KRT79: variants seen among roughly 807,000 people sequenced by gnomAD.
The protein encoded by KRT79 is keratin, type II cytoskeletal 79.
KRT79 carries 51 observed loss-of-function variants against 49.0 expected under a neutral mutation model. The observed-to-expected ratio is 1.04, with a 90% CI of 0.83 to 1.31. The LOEUF is 1.31. Ranked by LOEUF, KRT79 falls within the 40% of genes most tolerant of loss-of-function variation. The pLI is 0.00. For synonymous variants in KRT79, 312 were observed against 286.6 expected, an observed-to-expected ratio of 1.09 and a Z score of -0.90; for missense variants, 728 against 688.0, an observed-to-expected ratio of 1.06 and a Z score of -0.65.
chr12:52,831,506 C>T lies in KRT79; in HGVS notation c.598G>A (p.Gly200Ser), dbSNP rs768648530. Residue 200 changes from glycine to serine, a missense_variant, in exon 2 of 9, where the codon GGT (glycine) becomes AGT (serine). Gly to Ser is a moderately conservative substitution (Grantham distance 56). Coordinates refer to ENST00000330553, the MANE Select transcript of KRT79 (RefSeq NM_175834.3). ...NLEPLFEAYL[G>S]SMRSTLDRLQ... ...CTGTCCAGCGTGCTCCGCATGCTAC[C>T]CAGGTAGGCCTCAAAGAGGGGCTCC... The T allele has an allele frequency of 3.7e-6, 6 of 1,614,250 alleles. No homozygotes were observed. In the East Asian group the frequency reaches 8.9e-5, roughly 24 times the overall value.
chr12:52,821,987 T>A lies in KRT79; in HGVS notation c.1493A>T (p.Lys498Met), dbSNP rs774280643. The A allele has an allele frequency of 1.2e-6, 2 of 1,614,156 alleles. 1 individual carries two copies. Among genetic ancestry groups the A allele is most frequent in the South Asian group, 2.2e-5 (2 of 91,090 alleles). The change falls in exon 9 of 9, where the codon AAG becomes ATG. Residue 498 changes from lysine (K) to methionine (M), a missense_variant. By Grantham distance (95) the Lys-to-Met change is moderately conservative (BLOSUM62 -1). Coordinates refer to ENST00000330553, the MANE Select transcript of KRT79 (RefSeq NM_175834.3). ...GCCCACATTTGTGCTGAATCCACCC[T>A]TGGTGGCCCCCCCACTCCCACCCAG... Reference protein sequence around the residue: ...ISLGGSGGATKGGFSTNVGYS... With the variant: ...ISLGGSGGATMGGFSTNVGYS...
Position 52,823,001 on chromosome 12 carries a change from AGGAGG to A in KRT79, c.1367+10_1367+14del, listed in dbSNP as rs1565689327. The stretch of plus-strand genomic sequence containing the variant: ...CCCGACCCAGCTTTCTGGGTCGGGC[AGGAGG>A]GGCCACCACCTGCTCTCCTCGCTCT... On this transcript the variant is annotated intron_variant, in intron 7 of 8. Transcript: ENST00000330553. The A allele has an allele frequency of 6.2e-7, 1 of 1,612,050 alleles. No homozygotes were observed. The highest frequency in any genetic ancestry group is 8.5e-7 in the Non-Finnish European group (1 of 1,179,276).
At chr12:52,823,307 T>G in intron 6 of KRT79, 71 bp from the exon 7 acceptor site, 1 of 1,269,310 alleles carries the variant, frequency 7.9e-7, no homozygotes, top group Non-Finnish European at 1.1e-6. Context: ...CCTCAAGCCA[T>G]GGAGACATCA....
In KRT79 at chr12:52,833,797, G is replaced by C; in HGVS notation, c.464C>G (p.Ser155Cys). ...QIKTLNNKFA[S>C]FIDKVRFLEQ... Reference sequence around the variant, plus strand: ...TGCTTGGCCCACCTTGTCGATGAAGGAGGCGAACTTGTTGTTGAGGGTCTT... The same window carrying C: ...TGCTTGGCCCACCTTGTCGATGAAGCAGGCGAACTTGTTGTTGAGGGTCTT... Residue 155 changes from serine (S) to cysteine (C), a missense_variant, in exon 1 of 9, where the codon TCC (serine) becomes TGC (cysteine). Transcript: ENST00000330553. 6.2e-7 allele frequency: 1 copy of C among 1,613,786 alleles called. No homozygotes were observed. Among genetic ancestry groups the C allele is most frequent in the Non-Finnish European group, 8.5e-7 (1 of 1,179,884 alleles).
Position 52,834,005 on chromosome 12 carries a change from C to G in KRT79, c.256G>C (p.Gly86Arg). ...AGGALLGRALGGFGFGSRAFM... is the reference protein window; with the variant it reads ...AGGALLGRALRGFGFGSRAFM... The stretch of plus-strand genomic sequence containing the variant: ...GCCCTGCTGCCAAAGCCAAAGCCCC[C>G]CAGAGCCCGCCCCAACAAGGCCCCT... The change falls in exon 1 of 9, where the codon GGG (glycine) becomes CGG (arginine). Residue 86 changes from glycine to arginine, a missense_variant. Gly to Arg is a moderately radical substitution (Grantham distance 125). Transcript: ENST00000330553. 1.2e-6 allele frequency: 2 copies of G among 1,612,626 alleles called. No individual in the cohort carries two copies. The highest frequency in any genetic ancestry group is 1.7e-6 in the Non-Finnish European group (2 of 1,179,224).
Position 52,831,642 on chromosome 12 carries a change from A to G in KRT79, c.478-16T>C, listed in dbSNP as rs769242610. ...GGAACCGCACCTGAGCCAGAGCAGA[A>G]AGGGTGGGCTGATGTCACCCTCCGG... On this transcript the variant is annotated splice_polypyrimidine_tract_variant and intron_variant, in intron 1 of 8. Coordinates refer to ENST00000330553, the MANE Select transcript of KRT79 (RefSeq NM_175834.3). The G allele has an allele frequency of 6.2e-7, 1 of 1,608,524 alleles. No homozygotes were observed. Among genetic ancestry groups the G allele is most frequent in the East Asian group, 2.2e-5 (1 of 44,816 alleles).
intron 1 of KRT79, among the ~76,000 whole-genome samples, chr12:52,832,769 G>A (rs1208268273): frequency 6.6e-6 from 1 of 152,158 alleles, no homozygotes; most frequent in Admixed American, 6.5e-5. Flanking sequence ...AAGAACCACA[G>A]AGTCCAGGGG....
At chr12:52,832,678 A>G (rs1940272139) in intron 1 of KRT79, among the ~76,000 whole-genome samples, 1 of 152,132 alleles carries the variant, frequency 6.6e-6, no homozygotes, top group African/African-American at 2.4e-5. Context: ...CCATCTCCAC[A>G]CTACCTGGGC....
In KRT79 at chr12:52,821,998, C is replaced by T. The variant is rs760218482; in HGVS notation, c.1482G>A (p.Gly494=). Residue 494 remains glycine (G), a synonymous_variant, in exon 9 of 9, where the codon GGG becomes GGA. Transcript: ENST00000330553. ...TGCTGAATCCACCCTTGGTGGCCCC[C>T]CCACTCCCACCCAGGGAGATGCCAC... is the stretch of plus-strand genomic sequence containing the variant. ...FGGGISLGGS[G]GATKGGFSTN... is the part of the protein sequence containing the mutation. 13 of 1,614,226 alleles carry T rather than the reference C, an allele frequency of 8.1e-6. No individual in the cohort carries two copies. Among genetic ancestry groups the T allele is most frequent in the Non-Finnish European group, 1.1e-5 (13 of 1,180,040 alleles).
Position 52,830,012 on chromosome 12 carries a change from G to A in KRT79, c.855+11C>T, listed in dbSNP as rs976053009. 6.2e-7 allele frequency: 1 copy of A among 1,612,644 alleles called. No individual in the cohort carries two copies. ...TGTATGCAAACTCTCCCTGCCCATT[G>A]GCCACCTCACCATTTCATAGAGTTG... On this transcript the variant is annotated intron_variant, in intron 4 of 8. Coordinates refer to ENST00000330553, the MANE Select transcript of KRT79 (RefSeq NM_175834.3).
chr12:52,823,584 A>T (rs1940132424), intron 6 of KRT79, among the ~76,000 whole-genome samples: 1 of 152,230 alleles, frequency 6.6e-6, no homozygotes, highest in South Asian at 2.1e-4. Flanking sequence ...AGTCGGCATC[A>T]GCATCTGTGA....
chr12:52,828,829 AC>A (rs1314690328), intron 4 of KRT79, among the ~76,000 whole-genome samples: 1 of 151,950 alleles, frequency 6.6e-6, no homozygotes, highest in Admixed American at 6.5e-5. Flanking sequence ...TCTTCTGAAT[AC>A]TTCACTAAAA....
chr12:52,832,481 G>A lies in KRT79; in HGVS notation c.478-855C>T, dbSNP rs976741877. ...AGGACCCCCGAGAGTTCTTGGCCCA[G>A]CTGGGGTTCCAAGACAATCTCTCAG... On this transcript the variant is annotated intron_variant, in intron 1 of 8. Transcript: ENST00000330553. Among the ~76,000 whole-genome samples, 10 of 151,694 alleles carry A rather than the reference G, an allele frequency of 6.6e-5. 1 individual carries two copies. The highest frequency in any genetic ancestry group is 1.2e-4 in the Non-Finnish European group (8 of 67,968).
In KRT79 at chr12:52,831,603, A is replaced by G; in HGVS notation, c.501T>C (p.Asn167=). Residue 167 remains asparagine, a synonymous_variant, in exon 2 of 9, where the codon AAT becomes AAC. Transcript: ENST00000330553. Reference sequence around the variant, plus strand: ...GTGCCCACTTGGTCTCCAGCACCTTATTCTGTTGCTCCAGGAACCGCACCT... The same window carrying G: ...GTGCCCACTTGGTCTCCAGCACCTTGTTCTGTTGCTCCAGGAACCGCACCT... ...IDKVRFLEQQ[N]KVLETKWALL... 1.2e-6 allele frequency: 2 copies of G among 1,614,138 alleles called. No homozygotes were observed. Among genetic ancestry groups the G allele is most frequent in the Non-Finnish European group, 1.7e-6 (2 of 1,179,998 alleles).
At chr12:52,826,648 C>G (rs1314255223) in intron 4 of KRT79, among the ~76,000 whole-genome samples, 1 of 151,980 alleles carries the variant, frequency 6.6e-6, no homozygotes, top group Non-Finnish European at 1.5e-5. Flanking sequence ...ACAGTGGAGA[C>G]TTCTAGGCAA....
chr12:52,824,378 C>G lies in KRT79; in HGVS notation c.856-16G>C. The G allele has an allele frequency of 6.2e-7, 1 of 1,610,904 alleles. No individual in the cohort carries two copies. The highest frequency in any genetic ancestry group is 8.5e-7 in the Non-Finnish European group (1 of 1,177,880). On this transcript the variant is annotated splice_polypyrimidine_tract_variant and intron_variant, in intron 4 of 8. Coordinates refer to ENST00000330553, the MANE Select transcript of KRT79 (RefSeq NM_175834.3). ...GGCTCAGCTCCTGAAGAATCAGAGA[C>G]AGCTGCCACCAGCACCCCTGCTCCA...
chr12:52,827,369 A>G (rs1940190736), intron 4 of KRT79, among the ~76,000 whole-genome samples: 1 of 152,260 alleles, frequency 6.6e-6, no homozygotes, highest in South Asian at 2.1e-4. Context: ...TAAACAAGGC[A>G]TAGCAATGGA....
chr12:52,830,650 G>C (rs918277164), intron 2 of KRT79, among the ~76,000 whole-genome samples: 1 of 152,016 alleles, frequency 6.6e-6, no homozygotes, highest in African/African-American at 2.4e-5. Context: ...ATTCAAACCA[G>C]CTAACTCCTC....
intron 7 of KRT79, 138 bp from the exon 8 acceptor site, chr12:52,822,517 G>A: frequency 4.5e-6 from 3 of 660,884 alleles, no homozygotes; most frequent in Non-Finnish European, 7.9e-6. Flanking sequence ...AGAAGTATGT[G>A]TATAGGGCTG....
Sources: gnomAD v4.1 joint callset for allele counts (sites outside exome capture counted in the v4.1 genomes callset) on GRCh38, gnomAD v4.1.1 for gene constraint, MANE v1.5 for transcripts, NCBI Gene and HGNC (gene_info 2026-07-23, HGNC 2026-07-21) for gene names.